ELOVL7: variants seen among roughly 807,000 people sequenced by gnomAD.
ELOVL7 encodes the protein very long chain fatty acid elongase 7.
In ELOVL7, 27 loss-of-function variants were observed where a neutral mutation model predicts 35.7. The ratio of observed to expected loss-of-function variants is 0.76; its 90% confidence interval spans 0.56 to 1.04. The LOEUF is 1.04. Among genes scored for constraint, ELOVL7 ranks in the 50% least tolerant of loss-of-function variants. The pLI is 0.00. For synonymous variants in ELOVL7, 113 were observed against 114.6 expected, an observed-to-expected ratio of 0.99 and a Z score of 0.09; for missense variants, 327 against 340.8, an observed-to-expected ratio of 0.96 and a Z score of 0.32.
intron 1 of ELOVL7, among the ~76,000 whole-genome samples, chr5:60,829,663 T>C (rs1439872746): frequency 6.6e-6 from 1 of 152,200 alleles, no homozygotes. Context: ...TCTGGAATGA[T>C]GAAAAGGCTG....
intron 5 of ELOVL7, 83 bp from the exon 6 acceptor site, chr5:60,766,713 C>A: frequency 8.5e-7 from 1 of 1,175,136 alleles, no homozygotes; most frequent in South Asian, 1.4e-5. Flanking sequence ...AATATGCATA[C>A]CATAAAATCT....
chr5:60,828,314 A>C (rs1746292380), intron 1 of ELOVL7, among the ~76,000 whole-genome samples: 1 of 152,194 alleles, frequency 6.6e-6, no homozygotes, highest in African/African-American at 2.4e-5. Flanking sequence ...AATTATGCAG[A>C]GACATGGAGG....
chr5:60,784,012 G>T, intron 3 of ELOVL7: 1 of 717,552 alleles, frequency 1.4e-6, no homozygotes, highest in Non-Finnish European at 2.5e-6. Context: ...GATTACCAAA[G>T]TTCTGATTTA....
At chr5:60,839,112 C>CAGAT (rs1433942619) in intron 1 of ELOVL7, among the ~76,000 whole-genome samples, 1 of 151,852 alleles carries the variant, frequency 6.6e-6, no homozygotes, top group African/African-American at 2.4e-5. Context: ...CTGAGGTGAG[C>CAGAT]AGATCATCAC....
intron 1 of ELOVL7, among the ~76,000 whole-genome samples, chr5:60,829,180 A>G (rs896256082): frequency 2.0e-5 from 3 of 151,824 alleles, no homozygotes; most frequent in Admixed American, 2.0e-4. Flanking sequence ...AAAAAAAAGC[A>G]TACTAGGAGA....
chr5:60,766,776 A>C, intron 5 of ELOVL7, 146 bp from the exon 6 acceptor site: 1 of 631,682 alleles, frequency 1.6e-6, no homozygotes, highest in East Asian at 2.9e-5. Context: ...GTACCTTCAC[A>C]CTGTTGTTCA....
chr5:60,796,209 A>T (rs1490370844), intron 2 of ELOVL7, among the ~76,000 whole-genome samples: 1 of 152,182 alleles, frequency 6.6e-6, no homozygotes, highest in Non-Finnish European at 1.5e-5. Flanking sequence ...TTCTCACTGG[A>T]ACTGGTTCCC....
intron 1 of ELOVL7, among the ~76,000 whole-genome samples, chr5:60,817,790 C>CAT (rs1330399391): frequency 7.2e-6 from 1 of 139,844 alleles, no homozygotes. Flanking sequence ...ATATATATAC[C>CAT]ATATATATAC....
chr5:60,762,571 C>T (rs1031745), intron 7 of ELOVL7, among the ~76,000 whole-genome samples: 30,020 of 152,038 alleles, frequency 0.2, 5,542 homozygotes, highest in African/African-American at 0.49. Flanking sequence ...CTCCAAACCA[C>T]CTCTGTTTAT....
chr5:60,812,492 G>GA (rs1000220017), intron 1 of ELOVL7, among the ~76,000 whole-genome samples: 10 of 150,466 alleles, frequency 6.6e-5, no homozygotes, highest in Non-Finnish European at 1.5e-4. Context: ...AATTTAATTG[G>GA]AAAAAAAAAG....
At position 60,772,038 on chromosome 5, in the gene ELOVL7, G is replaced by A. The variant is rs1230284918; in HGVS notation, c.120C>T (p.Leu40=). 1 of 1,613,494 alleles carries A rather than the reference G, an allele frequency of 6.2e-7. No individual in the cohort carries two copies. Among genetic ancestry groups the A allele is most frequent in the Non-Finnish European group, 8.5e-7 (1 of 1,179,750 alleles). The part of the protein sequence containing the change: ...LMSSPLPQTI[L]LGFYVYFVTS... ...TGACAAAATAGACATAGAATCCTAGGAGGATGGTTTGTGGCAGAGGCGAGG... is the reference window on the plus strand; with the variant it reads ...TGACAAAATAGACATAGAATCCTAGAAGGATGGTTTGTGGCAGAGGCGAGG... Residue 40 remains leucine (L), a synonymous_variant, in exon 4 of 9, where the codon CTC becomes CTT. Coordinates refer to ENST00000508821, the MANE Select transcript of ELOVL7 (RefSeq NM_024930.3).
chr5:60,775,799 A>C (rs1457340166), intron 3 of ELOVL7, among the ~76,000 whole-genome samples: 2 of 152,158 alleles, frequency 1.3e-5, no homozygotes, highest in Non-Finnish European at 2.9e-5. Context: ...AAACTGGACC[A>C]CTACCTACCA....
intron 2 of ELOVL7, among the ~76,000 whole-genome samples, chr5:60,790,686 G>A (rs1743885129): frequency 1.3e-5 from 2 of 152,000 alleles, no homozygotes; most frequent in Admixed American, 1.3e-4. Context: ...GTAATGTGGG[G>A]TTGTGAGCAG....
intron 1 of ELOVL7, among the ~76,000 whole-genome samples, chr5:60,813,499 A>G (rs1387335248): frequency 3.3e-5 from 5 of 152,122 alleles, no homozygotes; most frequent in Non-Finnish European, 5.9e-5. Context: ...CAGCTCCACT[A>G]TCTGACTCCA....
Position 60,771,933 on chromosome 5 carries a change from T to C in ELOVL7, c.225A>G (p.Ile75Met). The change falls in exon 4 of 9, where the codon ATA becomes ATG. Residue 75 changes from isoleucine to methionine, a missense_variant. Transcript: ENST00000508821. The part of the protein sequence containing the change: ...KKAMITYNFF[I>M]VLFSVYMCYE... The stretch of plus-strand genomic sequence containing the variant: ...AACACATATACACAGAAAAGAGTAC[T>C]ATGAAAAAATTGTACGTTATCATTG... 6.2e-7 allele frequency: 1 copy of C among 1,613,318 alleles called. No individual in the cohort carries two copies. Among genetic ancestry groups the C allele is most frequent in the South Asian group, 1.1e-5 (1 of 90,970 alleles).
chr5:60,811,128 C>T (rs1745215849), intron 1 of ELOVL7, among the ~76,000 whole-genome samples: 1 of 152,068 alleles, frequency 6.6e-6, no homozygotes. Flanking sequence ...ATTTGATTCT[C>T]AAAAACTTGA....
intron 2 of ELOVL7, among the ~76,000 whole-genome samples, chr5:60,790,622 T>G (rs1743880580): frequency 6.6e-6 from 1 of 152,198 alleles, no homozygotes; most frequent in South Asian, 2.1e-4. Context: ...TGCCAGAGTC[T>G]GTCTGGACTC....
rs59046428 is a variant in ELOVL7 at position 60,841,023 on chromosome 5, CTT to C, written c.-86+3135_-86+3136del. On this transcript the variant is annotated intron_variant, in intron 1 of 8. Coordinates refer to ENST00000508821, the MANE Select transcript of ELOVL7 (RefSeq NM_024930.3). ...CAGAATACTAAAAAAAATTACTTTCCTTTTTTTTTTTTTTTTTTTTTAAGACA... is the reference window on the plus strand; with the variant it reads ...CAGAATACTAAAAAAAATTACTTTCCTTTTTTTTTTTTTTTTTTTAAGACA... 8.7e-3 allele frequency among the ~76,000 whole-genome samples: 1,088 copies of C among 125,314 alleles called. 10 individuals are homozygous for C. Among genetic ancestry groups the C allele is most frequent in the Admixed American group, 0.014 (165 of 12,172 alleles). The allele number at this position is 125,314 out of a possible 152,430, so 82.2% of individuals were successfully genotyped here. A position where few individuals can be genotyped will look rare whatever the true frequency, so the allele number is the denominator to read the frequency against.
rs541076562 is a variant in ELOVL7 at position 60,782,960 on chromosome 5, T to C, written c.64+4374A>G. ...AATGTTTTCACCATAAAAAGATAAG[T>C]ATTTGGTGATGGATATGCTATTTGG... On this transcript the variant is annotated intron_variant, in intron 3 of 8. Transcript: ENST00000508821. 1.5e-4 allele frequency among the ~76,000 whole-genome samples: 23 copies of C among 152,326 alleles called. No individual in the cohort carries two copies. The East Asian group carries it at 2.7e-3, about 18-fold the overall frequency.
Sources: gnomAD v4.1 joint callset for allele counts (sites outside exome capture counted in the v4.1 genomes callset) on GRCh38, gnomAD v4.1.1 for gene constraint, MANE v1.5 for transcripts, NCBI Gene and HGNC (gene_info 2026-07-23, HGNC 2026-07-21) for gene names.